Variants in HUWE1 observed in about 807,000 individuals in gnomAD.
HUWE1 encodes the protein E3 ubiquitin-protein ligase HUWE1.
A neutral mutation model predicts 299.4 loss-of-function variants in HUWE1; 18 were observed. That is an observed-to-expected ratio of 0.06 (90% CI 0.04 to 0.09). The LOEUF (loss-of-function observed/expected upper bound fraction) is 0.09, where lower values mean the gene tolerates loss of function less well. Ranked by LOEUF, HUWE1 falls within the 10% of genes least tolerant of loss-of-function variation. The probability of loss-of-function intolerance (pLI) is 1.00; values close to 1 mark genes in which losing one functional copy is unlikely to be tolerated. For missense variants in HUWE1, 1,832 were observed against 3,462.3 expected, an observed-to-expected ratio of 0.53 and a Z score of 11.82; for synonymous variants, 1,317 against 1,286.1, an observed-to-expected ratio of 1.02 and a Z score of -0.51.
At chrX:53,564,281 C>T (rs1428995536) in intron 51 of HUWE1, among the ~76,000 whole-genome samples, 2 of 111,696 alleles carry the variant, frequency 1.8e-5, no homozygotes, top group Non-Finnish European at 3.8e-5. Context: ...ATCAAAGACC[C>T]GGGGCCCAAC....
In HUWE1 at chrX:53,548,035, C is replaced by G; in HGVS notation, c.10274G>C (p.Ser3425Thr). ...AGGEGETSPY[S>T]LEASPLGQLM... ...CTGCCCCAGTGGAGAGGCCTCGAGGCTGTATGGAGAGGTTTCCCCCTCACC... is the reference window on the plus strand; with the variant it reads ...CTGCCCCAGTGGAGAGGCCTCGAGGGTGTATGGAGAGGTTTCCCCCTCACC... The change falls in exon 68 of 84, where the codon AGC becomes ACC. Residue 3425 changes from serine (S) to threonine (T), a missense_variant. By Grantham distance (58) the Ser-to-Thr change is moderately conservative. This residue lies in a region of HUWE1 where 119 missense variants were observed against 124.6 expected (regional missense o/e 0.96). Coordinates refer to ENST00000262854, the MANE Select transcript of HUWE1 (RefSeq NM_031407.7). 8.3e-7 allele frequency: 1 copy of G among 1,210,935 alleles called. No homozygotes were observed. Among genetic ancestry groups the G allele is most frequent in the Non-Finnish European group, 1.1e-6 (1 of 895,089 alleles).
chrX:53,610,598 C>G (rs1490032765), intron 23 of HUWE1, among the ~76,000 whole-genome samples: 2 of 111,531 alleles, frequency 1.8e-5, no homozygotes, highest in Non-Finnish European at 1.9e-5. Flanking sequence ...ATGCCCCCAT[C>G]AAAAGTAAAG....
chrX:53,532,641 G>A lies in HUWE1; in HGVS notation c.*668C>T, dbSNP rs1406217474. 9.0e-6 allele frequency: 1 copy of A among 110,606 alleles called. No homozygotes were observed. The highest frequency in any genetic ancestry group is 1.9e-5 in the Non-Finnish European group (1 of 52,935). 9.1% of individuals were successfully genotyped at this position (110,606 alleles called of 1,213,427 possible). A position where few individuals can be genotyped will look rare whatever the true frequency, so the allele number is the denominator to read the frequency against. On this transcript the variant is annotated 3_prime_UTR_variant, in exon 84 of 84. Coordinates refer to ENST00000262854, the MANE Select transcript of HUWE1 (RefSeq NM_031407.7). ...ACTGCAGAAACTGACTCTGAAGGAG[G>A]AAGTTGCACCAGTGGTGGAGGCAGG...
chrX:53,569,989 G>C (rs782809569), intron 47 of HUWE1, among the ~76,000 whole-genome samples, 162 bp from the exon 48 acceptor site: 1 of 112,674 alleles, frequency 8.9e-6, no homozygotes, highest in Non-Finnish European at 1.9e-5. Flanking sequence ...AAAGATACAA[G>C]CAAGTAAGGA....
chrX:53,670,877 T>C (rs782401468), intron 3 of HUWE1, among the ~76,000 whole-genome samples: 2 of 111,835 alleles, frequency 1.8e-5, no homozygotes, highest in Non-Finnish European at 3.8e-5. Context: ...CAGTGAGCCA[T>C]CTACAACGAT....
chrX:53,587,075 G>T (rs1449611822), intron 37 of HUWE1, among the ~76,000 whole-genome samples, 166 bp from the exon 38 acceptor site: 3 of 112,212 alleles, frequency 2.7e-5, no homozygotes, highest in African/African-American at 9.7e-5. Context: ...TCTAAGATGT[G>T]TTAAATTTTC....
chrX:53,579,958 TAAAAAA>T (rs1184631803), intron 43 of HUWE1: 1 of 99,425 alleles, frequency 1.0e-5, no homozygotes, highest in African/African-American at 3.8e-5. Context: ...AAAAAAAAAT[TAAAAAA>T]AAAAAATAAA....
At chrX:53,561,474 G>C (rs782125848) in intron 55 of HUWE1, among the ~76,000 whole-genome samples, 193 of 112,408 alleles carry the variant, frequency 1.7e-3, no homozygotes, top group Non-Finnish European at 2.2e-3. Context: ...AGTCAGCCTT[G>C]GTCTCTTTCT....
Position 53,645,570 on chromosome X carries a change from CACAACA to C in HUWE1, c.352-113_352-108del. 1.6e-5 allele frequency: 12 copies of C among 771,830 alleles called. No individual in the cohort carries two copies. In the South Asian group the frequency reaches 2.5e-4, roughly 16 times the overall value. The allele number at this position is 771,830 out of a possible 1,213,427, so 63.6% of individuals were successfully genotyped here. On this transcript the variant is annotated intron_variant, in intron 6 of 83. Transcript: ENST00000262854. ...TTACAAAGCTATCAAGAAGTTTAGT[CACAACA>C]ATACAAAAAATATATAAGTATTTGT... is the stretch of plus-strand genomic sequence containing the variant.
At chrX:53,596,155 T>C (rs1333422142) in intron 29 of HUWE1, among the ~76,000 whole-genome samples, 3 of 112,229 alleles carry the variant, frequency 2.7e-5, no homozygotes, top group African/African-American at 6.5e-5. Flanking sequence ...CGTTATTTCA[T>C]GATCCAGAGA....
chrX:53,656,407 T>C (rs2072195851), intron 3 of HUWE1, among the ~76,000 whole-genome samples: 1 of 105,327 alleles, frequency 9.5e-6, no homozygotes, highest in South Asian at 4.4e-4. Context: ...CCAGGCGTGG[T>C]GGCGAGCACC....
intron 42 of HUWE1, among the ~76,000 whole-genome samples, chrX:53,583,016 G>A (rs1489440603): frequency 1.8e-5 from 2 of 112,048 alleles, no homozygotes; most frequent in African/African-American, 6.5e-5. Context: ...TTATAAGTAC[G>A]TTGCTATTTC....
At chrX:53,634,132 G>T in intron 8 of HUWE1, 104 bp downstream of exon 8, 1 of 638,979 alleles carries the variant, frequency 1.6e-6, no homozygotes, top group Admixed American at 2.3e-5. Context: ...CAAAGGTCTC[G>T]ATGTGAAGGC....
At chrX:53,622,294 CT>C (rs1325290346) in intron 19 of HUWE1, among the ~76,000 whole-genome samples, 8 of 111,518 alleles carry the variant, frequency 7.2e-5, no homozygotes, top group Non-Finnish European at 1.9e-5. Context: ...ACTGATTCTT[CT>C]GTGTTACAAC....
chrX:53,667,638 G>A (rs1433187033), intron 3 of HUWE1, among the ~76,000 whole-genome samples: 1 of 112,069 alleles, frequency 8.9e-6, no homozygotes, highest in Non-Finnish European at 1.9e-5. Flanking sequence ...AAAATCCTAA[G>A]TTGAACCATC....
chrX:53,603,585 A>G (rs1477989894), intron 26 of HUWE1, 84 bp from the exon 27 acceptor site: 4 of 948,926 alleles, frequency 4.2e-6, no homozygotes, highest in Non-Finnish European at 4.5e-6. Flanking sequence ...CAACAGTTTT[A>G]TAAGGGTAAG....
At chrX:53,627,695 CT>C (rs1557019129) in intron 16 of HUWE1, 43 bp downstream of exon 16, 1 of 1,127,019 alleles carries the variant, frequency 8.9e-7, no homozygotes, top group South Asian at 1.8e-5. Flanking sequence ...AGGTTCAGCT[CT>C]GAGTATTAAA....
rs782701825 is a variant in HUWE1, at chrX:53,552,262, C to A, written c.8881+49G>T. On this transcript the variant is annotated intron_variant, in intron 63 of 83. Transcript: ENST00000262854. ...GTGGGCATTTCCATGCCAAGGGCTA[C>A]TAGAAGCCAAAACAATCCCAGGATG... 7.5e-6 allele frequency: 9 copies of A among 1,203,823 alleles called. No homozygotes were observed. The Middle Eastern group carries it at 1.0e-3, about 140-fold the overall frequency.
intron 56 of HUWE1, 108 bp downstream of exon 56, chrX:53,560,080 C>T (rs974128789): frequency 5.9e-6 from 4 of 682,507 alleles, no homozygotes; most frequent in Non-Finnish European, 9.1e-6. Context: ...GTGTGTATGA[C>T]AAGAACATTA....
Sources: allele counts gnomAD v4.1 joint callset (sites outside exome capture counted in the v4.1 genomes callset), GRCh38; gene constraint gnomAD v4.1.1; regional missense constraint gnomAD v4.1.1; transcripts MANE v1.5; gene names NCBI Gene and HGNC (gene_info 2026-07-23, HGNC 2026-07-21).